The following RCOR3 variants were observed in gnomAD, a reference collection of about 807,000 sequenced individuals.
RCOR3 encodes the protein REST corepressor 3.
In RCOR3, 13 loss-of-function variants were observed where a neutral mutation model predicts 64.1. That is an observed-to-expected ratio of 0.20 (90% CI 0.13 to 0.32). The LOEUF (loss-of-function observed/expected upper bound fraction) is 0.32. Ranked by LOEUF, RCOR3 falls within the 10% of genes least tolerant of loss-of-function variation. The probability of loss-of-function intolerance (pLI) is 1.00; values close to 1 mark genes in which losing one functional copy is unlikely to be tolerated. For missense variants in RCOR3, 489 were observed against 701.2 expected, an observed-to-expected ratio of 0.70 and a Z score of 3.42; for synonymous variants, 215 against 239.0, an observed-to-expected ratio of 0.90 and a Z score of 0.93.
intron 7 of RCOR3, among the ~76,000 whole-genome samples, chr1:211,282,115 T>G (rs1393310877): frequency 6.6e-6 from 1 of 152,212 alleles, no homozygotes; most frequent in Non-Finnish European, 1.5e-5. Context: ...TGCCCAACTA[T>G]GCAAGATGAT....
intron 10 of RCOR3, among the ~76,000 whole-genome samples, chr1:211,308,716 A>ATTTTTTTTTT (rs34691206): frequency 1.2e-5 from 1 of 82,278 alleles, no homozygotes; most frequent in African/African-American, 5.3e-5. Flanking sequence ...TCCAAAATCA[A>ATTTTTTTTTT]TTTTTTTTTT....
At chr1:211,308,756 G>A (rs999709812) in intron 10 of RCOR3, among the ~76,000 whole-genome samples, 3 of 86,756 alleles carry the variant, frequency 3.5e-5, no homozygotes, top group African/African-American at 9.6e-5. Flanking sequence ...TTGTCACCAA[G>A]GCTGGAGCAC....
At chr1:211,300,592 A>C (rs755744767) in intron 9 of RCOR3, among the ~76,000 whole-genome samples, 12 of 152,142 alleles carry the variant, frequency 7.9e-5, no homozygotes, top group Non-Finnish European at 1.6e-4. Context: ...GGCATTCTCC[A>C]AGTTGTTCTC....
At position 211,312,666 on chromosome 1, in the gene RCOR3, A is replaced by C; in HGVS notation, c.1076-54A>C. On this transcript the variant is annotated intron_variant, in intron 10 of 11. Transcript: ENST00000419091. The surrounding 1 kb of genome is among the most constrained non-coding windows in gnomAD (Gnocchi z 5.0). ...TTTGTGTGTGCATGATGTATAGTAC[A>C]CACAGCTCTCCTTATTGATCCTTCA... 2 of 1,255,790 alleles carry C rather than the reference A, an allele frequency of 1.6e-6. No homozygotes were observed. The highest frequency in any genetic ancestry group is 2.3e-5 in the East Asian group (1 of 43,182). 77.8% of individuals were successfully genotyped at this position (1,255,790 alleles called of 1,614,324 possible).
intron 7 of RCOR3, among the ~76,000 whole-genome samples, chr1:211,283,720 T>C (rs1375390613): frequency 6.6e-6 from 1 of 152,054 alleles, no homozygotes; most frequent in Non-Finnish European, 1.5e-5. Flanking sequence ...TCATAGCCAC[T>C]GCAGCCTCAA....
rs1698027256 is a variant in RCOR3, at chr1:211,282,964, T to C, written c.720+3648T>C. Among the ~76,000 whole-genome samples, 3 of 152,348 alleles carry C rather than the reference T, an allele frequency of 2.0e-5. 1 individual carries two copies. The highest frequency in any genetic ancestry group is 4.1e-4 in the South Asian group (2 of 4,830). ...ATACTTTATTTAATTGGAATCATAT[T>C]GTATGTATTCTTCAGTACTTGCCTT... On this transcript the variant is annotated intron_variant, in intron 7 of 11. Coordinates refer to ENST00000419091, the MANE Select transcript of RCOR3 (RefSeq NM_001136223.3).
rs561421038 is a variant in RCOR3 at position 211,262,481 on chromosome 1, T to G, written c.223+2317T>G. On this transcript the variant is annotated intron_variant, in intron 2 of 11. Coordinates refer to ENST00000419091, the MANE Select transcript of RCOR3 (RefSeq NM_001136223.3). ...GAGCTTTCATTGGGAGTCTGTGTGGTTTTTTTTGGTAGTGATAGTTATTTC... is the reference window on the plus strand; with the variant it reads ...GAGCTTTCATTGGGAGTCTGTGTGGGTTTTTTTGGTAGTGATAGTTATTTC... Among the ~76,000 whole-genome samples the G allele has an allele frequency of 2.6e-5, 4 of 152,108 alleles. No individual in the cohort carries two copies. The East Asian group carries it at 5.8e-4, about 22-fold the overall frequency.
chr1:211,296,132 A>G (rs147762505), intron 9 of RCOR3, among the ~76,000 whole-genome samples: 2 of 152,204 alleles, frequency 1.3e-5, no homozygotes. Context: ...GAAAAATATC[A>G]TGAAAACAAG....
At chr1:211,307,169 A>G (rs539792929) in intron 10 of RCOR3, among the ~76,000 whole-genome samples, 1 of 152,280 alleles carries the variant, frequency 6.6e-6, no homozygotes, top group South Asian at 2.1e-4. Flanking sequence ...TGATATTCAT[A>G]TGATAAACAG....
In RCOR3 at chr1:211,312,769, C is replaced by T. The variant is rs1359577146; in HGVS notation, c.1125C>T (p.Gly375=). The part of the protein sequence containing the change: ...KDFQAIADVI[G]NKTVGQVKNF... ...TTCAAGCTATTGCAGATGTAATTGG[C>T]AACAAGACTGTTGGCCAAGTGAAGA... is the stretch of plus-strand genomic sequence containing the variant. Residue 375 remains glycine (G), a synonymous_variant, in exon 11 of 12, where the codon GGC becomes GGT. Coordinates refer to ENST00000419091, the MANE Select transcript of RCOR3 (RefSeq NM_001136223.3). This position sits in a 1 kb window ranked among gnomAD's most constrained non-coding sequence, Gnocchi z 5.0. 2 of 1,614,190 alleles carry T rather than the reference C, an allele frequency of 1.2e-6. No homozygotes were observed. Among genetic ancestry groups the T allele is most frequent in the East Asian group, 4.5e-5 (2 of 44,886 alleles).
rs1694953498 is a variant in RCOR3 at position 211,265,043 on chromosome 1, T to C, written c.223+4879T>C. Among the ~76,000 whole-genome samples, 3 of 152,236 alleles carry C rather than the reference T, an allele frequency of 2.0e-5. No individual in the cohort carries two copies. In the South Asian group the frequency reaches 6.2e-4, roughly 31 times the overall value. On this transcript the variant is annotated intron_variant, in intron 2 of 11. Coordinates refer to ENST00000419091, the MANE Select transcript of RCOR3 (RefSeq NM_001136223.3). ...TGTAAAAGGTTGATGATGTTAAGTA[T>C]ATCACAAGATTAAGTGAAAATTAAT...
At chr1:211,282,098 A>G (rs1463225497) in intron 7 of RCOR3, among the ~76,000 whole-genome samples, 1 of 152,222 alleles carries the variant, frequency 6.6e-6, no homozygotes, top group African/African-American at 2.4e-5. Flanking sequence ...TATGGAATAT[A>G]TAGTTTTGCC....
chr1:211,268,805 C>A (rs1377358552), intron 2 of RCOR3, among the ~76,000 whole-genome samples: 1 of 151,996 alleles, frequency 6.6e-6, no homozygotes, highest in Non-Finnish European at 1.5e-5. Context: ...CTTTCGAATA[C>A]TTTGGTAGTG....
chr1:211,313,783 A>G lies in RCOR3; in HGVS notation c.*15A>G. On this transcript the variant is annotated 3_prime_UTR_variant, in exon 12 of 12. Transcript: ENST00000419091. The surrounding 1 kb of genome is among the most constrained non-coding windows in gnomAD (Gnocchi z 4.7). ...CACTGCACTAAAAATTAAATTGGAC[A>G]CAGCTGCAGTAACTTTTCACCCCAT... 1 of 1,599,192 alleles carries G rather than the reference A, an allele frequency of 6.3e-7. No homozygotes were observed. The highest frequency in any genetic ancestry group is 8.6e-7 in the Non-Finnish European group (1 of 1,167,120).
In RCOR3 at chr1:211,299,452, T is replaced by C. The variant is rs989675812; in HGVS notation, c.1017+3699T>C. On this transcript the variant is annotated intron_variant, in intron 9 of 11. Coordinates refer to ENST00000419091, the MANE Select transcript of RCOR3 (RefSeq NM_001136223.3). ...CTGAAAAAAGAGTGCTTTTTGAAGC[T>C]GTAAATTCCCCATCTATAGTTGTTT... 2.6e-5 allele frequency among the ~76,000 whole-genome samples: 4 copies of C among 152,324 alleles called. No individual in the cohort carries two copies. The South Asian group carries it at 6.2e-4, about 24-fold the overall frequency.
intron 2 of RCOR3, 100 bp downstream of exon 2, chr1:211,260,264 G>A: frequency 9.1e-7 from 1 of 1,094,798 alleles, no homozygotes; most frequent in South Asian, 1.3e-5. Context: ...GAGGGGATGC[G>A]GGGTTGGGCT....
chr1:211,262,033 C>CTTTTTTTTTTTTTTTTT (rs1196587722), intron 2 of RCOR3, among the ~76,000 whole-genome samples: 2 of 65,512 alleles, frequency 3.1e-5, no homozygotes, highest in African/African-American at 6.2e-5. Context: ...GCTATAAAAA[C>CTTTTTTTTTTTTTTTTT]TTTTTTTTTT....
intron 8 of RCOR3, among the ~76,000 whole-genome samples, chr1:211,292,947 G>A (rs1699407118): frequency 6.6e-6 from 1 of 152,040 alleles, no homozygotes; most frequent in Non-Finnish European, 1.5e-5. Context: ...AGCCAGGCAT[G>A]GTGGCAGGCT....
chr1:211,278,321 A>G (rs1433756412), intron 6 of RCOR3, 80 bp downstream of exon 6: 1 of 1,397,912 alleles, frequency 7.2e-7, no homozygotes, highest in Non-Finnish European at 1.0e-6. Context: ...CAGAAAAGTT[A>G]TCACAACACA....
Sources: allele counts gnomAD v4.1 joint callset (sites outside exome capture counted in the v4.1 genomes callset), GRCh38; gene constraint gnomAD v4.1.1; non-coding constraint Gnocchi (gnomAD v3.1); transcripts MANE v1.5; gene names NCBI Gene and HGNC (gene_info 2026-07-23, HGNC 2026-07-21).